The following PREX1 variants were observed in gnomAD, a reference collection of about 807,000 sequenced individuals.
PREX1 encodes phosphatidylinositol 3,4,5-trisphosphate-dependent Rac exchanger 1 protein.
Under a neutral mutation model 198.3 loss-of-function variants are expected in PREX1, and 41 were observed. That is an observed-to-expected ratio of 0.21 (90% CI 0.16 to 0.27). The LOEUF (loss-of-function observed/expected upper bound fraction) is 0.27. PREX1 is among the 10% of genes least tolerant of loss of function. PREX1 has a pLI of 1.00. For missense variants in PREX1, 1,620 were observed against 2,200.7 expected, an observed-to-expected ratio of 0.74 and a Z score of 5.28; for synonymous variants, 843 against 887.2, an observed-to-expected ratio of 0.95 and a Z score of 0.89.
intron 5 of PREX1, among the ~76,000 whole-genome samples, chr20:48,718,588 G>A (rs1360902066): frequency 6.6e-6 from 1 of 152,132 alleles, no homozygotes; most frequent in African/African-American, 2.4e-5. Flanking sequence ...GCTCCTGTTA[G>A]AAGATATTAT....
At position 48,691,505 on chromosome 20, in the gene PREX1, G is replaced by A. The variant is rs954244167; in HGVS notation, c.1037-409C>T. ...GGGACCCTTACCCAGTGCTGGCTGG[G>A]ATGGGACCTGGAAAACCTCTCAAAC... On this transcript the variant is annotated intron_variant, in intron 8 of 39. Transcript: ENST00000371941. The surrounding 1 kb of genome is among the most constrained non-coding windows in gnomAD (Gnocchi z 5.0). Among the ~76,000 whole-genome samples the A allele has an allele frequency of 2.8e-4, 42 of 152,306 alleles. No individual in the cohort carries two copies. The highest frequency in any genetic ancestry group is 3.4e-3 in the Middle Eastern group (1 of 294).
At chr20:48,788,276 T>C (rs142126069) in intron 1 of PREX1, among the ~76,000 whole-genome samples, 3 of 152,246 alleles carry the variant, frequency 2.0e-5, no homozygotes, top group East Asian at 1.9e-4. Flanking sequence ...AGTGAATTCA[T>C]TCAAAGATGA....
chr20:48,863,503 T>C, the PREX1 span, among the ~76,000 whole-genome samples: 3 of 151,708 alleles, frequency 2.0e-5, no homozygotes, highest in Non-Finnish European at 2.9e-5. Flanking sequence ...TTTTTTGTTT[T>C]TTTTTTTTCT....
In PREX1 at chr20:48,657,430, A is replaced by G. The variant is rs1369446143; in HGVS notation, c.1975-242T>C. On this transcript the variant is annotated intron_variant, in intron 17 of 39. Transcript: ENST00000371941. Reference sequence around the variant, plus strand: ...GGAAAGGTATTCCTCCTGAGGGGAAACTCTGCTGGGGCCTGACCCTGTTGT... The same window carrying G: ...GGAAAGGTATTCCTCCTGAGGGGAAGCTCTGCTGGGGCCTGACCCTGTTGT... Among the ~76,000 whole-genome samples the G allele has an allele frequency of 6.6e-5, 10 of 152,138 alleles. No homozygotes were observed. In the South Asian group the frequency reaches 2.1e-3, roughly 32 times the overall value.
At chr20:48,711,510 G>T (rs1415301217) in intron 5 of PREX1, among the ~76,000 whole-genome samples, 4 of 152,034 alleles carry the variant, frequency 2.6e-5, no homozygotes, top group Non-Finnish European at 5.9e-5. Flanking sequence ...CCCGCCCCAG[G>T]TTCTACCCAT....
At chr20:48,732,825 T>TA (rs1224758464) in intron 4 of PREX1, among the ~76,000 whole-genome samples, 1 of 152,166 alleles carries the variant, frequency 6.6e-6, no homozygotes, top group East Asian at 1.9e-4. Context: ...AGCTTCCTGT[T>TA]ACGCCCTGAA....
chr20:48,756,187 A>G (rs1403438397), intron 1 of PREX1, among the ~76,000 whole-genome samples: 1 of 152,202 alleles, frequency 6.6e-6, no homozygotes, highest in Non-Finnish European at 1.5e-5. Flanking sequence ...GACCCCCACA[A>G]GCTGGCCTGG....
chr20:48,669,104 C>T (rs1363656440), intron 14 of PREX1, among the ~76,000 whole-genome samples: 1 of 152,064 alleles, frequency 6.6e-6, no homozygotes. Flanking sequence ...CCGCCACACA[C>T]GAGACCCCTG....
intron 5 of PREX1, among the ~76,000 whole-genome samples, chr20:48,722,019 T>G (rs1387251912): frequency 1.3e-5 from 2 of 151,948 alleles, no homozygotes; most frequent in African/African-American, 2.4e-5. Flanking sequence ...TGGTAAGAGA[T>G]GCCTGCCAGA....
At chr20:48,860,650 C>G in the PREX1 span, among the ~76,000 whole-genome samples, 1 of 152,014 alleles carries the variant, frequency 6.6e-6, no homozygotes, top group African/African-American at 2.4e-5. Context: ...ACCATCCTGG[C>G]TAACATGGTG....
intron 1 of PREX1, among the ~76,000 whole-genome samples, chr20:48,805,667 G>T (rs2090408783): frequency 6.6e-6 from 1 of 152,164 alleles, no homozygotes; most frequent in Non-Finnish European, 1.5e-5. Context: ...TTACAGGCCA[G>T]CCCCAAGCCC....
At chr20:48,627,011 T>C (rs2089277912) in intron 39 of PREX1, among the ~76,000 whole-genome samples, 1 of 152,110 alleles carries the variant, frequency 6.6e-6, no homozygotes, top group Non-Finnish European at 1.5e-5. Flanking sequence ...GCACTCCCCA[T>C]GCCAAAGACG....
the PREX1 span, among the ~76,000 whole-genome samples, chr20:48,860,344 G>A: frequency 6.6e-6 from 1 of 152,174 alleles, no homozygotes; most frequent in African/African-American, 2.4e-5. Context: ...AGAGACAGAA[G>A]GTAGAATGGC....
chr20:48,726,217 C>G, intron 5 of PREX1, 73 bp downstream of exon 5: 5 of 1,316,064 alleles, frequency 3.8e-6, no homozygotes, highest in Non-Finnish European at 5.4e-6. Context: ...TTCTCAGATA[C>G]TTGAACTAAC....
intron 27 of PREX1, chr20:48,642,749 A>G (rs1173829595): frequency 2.6e-6 from 1 of 379,628 alleles, no homozygotes; most frequent in Non-Finnish European, 4.7e-6. Flanking sequence ...CATTCTGCAA[A>G]TGAGGGACTG....
the PREX1 span, among the ~76,000 whole-genome samples, chr20:48,836,001 T>C: frequency 6.6e-6 from 1 of 152,174 alleles, no homozygotes; most frequent in Non-Finnish European, 1.5e-5. Flanking sequence ...GCAGAGGATC[T>C]AGGGGTGAAA....
intron 1 of PREX1, among the ~76,000 whole-genome samples, chr20:48,807,592 TAGG>T (rs1459367032): frequency 6.6e-6 from 1 of 152,156 alleles, no homozygotes; most frequent in African/African-American, 2.4e-5. Context: ...CTTGTTTCTA[TAGG>T]AGAAGTTCCT....
intron 16 of PREX1, among the ~76,000 whole-genome samples, chr20:48,659,347 G>A (rs916808329): frequency 4.7e-5 from 7 of 148,238 alleles, no homozygotes; most frequent in South Asian, 2.2e-4. Flanking sequence ...AGGAAGGGAG[G>A]GAAAGAGGAA....
chr20:48,651,549 G>A lies in PREX1; in HGVS notation c.2502C>T (p.Ser834=). 6.2e-7 allele frequency: 1 copy of A among 1,614,092 alleles called. No individual in the cohort carries two copies. Among genetic ancestry groups the A allele is most frequent in the South Asian group, 1.1e-5 (1 of 91,050 alleles). Residue 834 remains serine, a synonymous_variant, in exon 22 of 40, where the codon AGC becomes AGT. Transcript: ENST00000371941. ...FPLLSLGPRL[S]LCEDSPMVTL... The stretch of plus-strand genomic sequence containing the variant: ...TGACCATGGGGCTGTCCTCACACAG[G>A]CTCAGCCGGGGACCCAGGGACAGCA...
Sources: allele counts gnomAD v4.1 joint callset (sites outside exome capture counted in the v4.1 genomes callset), GRCh38; gene constraint gnomAD v4.1.1; non-coding constraint Gnocchi (gnomAD v3.1); transcripts MANE v1.5; gene names NCBI Gene and HGNC (gene_info 2026-07-23, HGNC 2026-07-21).